Variants in RASGRP3 observed in about 807,000 individuals in gnomAD.
The protein encoded by RASGRP3 is ras guanyl-releasing protein 3.
Under a neutral mutation model 82.7 loss-of-function variants are expected in RASGRP3, and 54 were observed. The ratio of observed to expected loss-of-function variants is 0.65; its 90% CI spans 0.52 to 0.82. The LOEUF is 0.82. Ranked by LOEUF, RASGRP3 falls within the 40% of genes least tolerant of loss-of-function variation. The pLI is 0.00. For synonymous variants in RASGRP3, 309 were observed against 300.5 expected (o/e 1.03, Z -0.29); for missense variants, 861 against 828.9 (o/e 1.04, Z -0.48).
intron 2 of RASGRP3, among the ~76,000 whole-genome samples, chr2:33,463,637 C>T (rs985370595): frequency 1.2e-4 from 17 of 143,034 alleles, no homozygotes; most frequent in African/African-American, 4.2e-4. Context: ...CTCGCACTAT[C>T]GCCCGGGCTA....
intron 1 of RASGRP3, among the ~76,000 whole-genome samples, chr2:33,436,904 T>C (rs1466524060): frequency 6.6e-6 from 1 of 152,222 alleles, no homozygotes; most frequent in Non-Finnish European, 1.5e-5. Flanking sequence ...ATTTTTGATA[T>C]TTGTCTGCTT....
At chr2:33,558,576 A>C in intron 16 of RASGRP3, 96 bp from the exon 17 acceptor site, 2 of 1,205,790 alleles carry the variant, frequency 1.7e-6, no homozygotes, top group Non-Finnish European at 2.3e-6. Context: ...TTCCTCTAGA[A>C]TGTTGCATGC....
chr2:33,444,796 GT>G (rs927504511), intron 1 of RASGRP3, among the ~76,000 whole-genome samples: 2 of 152,166 alleles, frequency 1.3e-5, no homozygotes, highest in African/African-American at 4.8e-5. Context: ...GGCAATAGAA[GT>G]TTTTTTAATA....
intron 10 of RASGRP3, chr2:33,531,725 C>T (rs777519626): frequency 2.0e-5 from 3 of 152,218 alleles, no homozygotes; most frequent in African/African-American, 4.8e-5. Flanking sequence ...CAAAACATTT[C>T]CATCGCTGAG....
intron 2 of RASGRP3, among the ~76,000 whole-genome samples, chr2:33,512,810 G>A (rs952100499): frequency 1.3e-4 from 20 of 152,128 alleles, no homozygotes; most frequent in Non-Finnish European, 2.9e-4. Flanking sequence ...CAAAACCTTA[G>A]GTGTTAAGGT....
At chr2:33,499,256 C>G (rs1050209965) in intron 1 of RASGRP3, among the ~76,000 whole-genome samples, 13 of 152,116 alleles carry the variant, frequency 8.5e-5, no homozygotes, top group Non-Finnish European at 1.3e-4. Context: ...AATCCTCACT[C>G]TATACAGTGA....
chr2:33,522,033 C>T lies in RASGRP3; in HGVS notation c.447C>T (p.Asp149=). 1 of 1,613,894 alleles carries T rather than the reference C, an allele frequency of 6.2e-7. No homozygotes were observed. The highest frequency in any genetic ancestry group is 2.2e-5 in the East Asian group (1 of 44,880). ...AGGGAAAAGCCTGTCTGCTGTTTGA[C>T]CATCTGGAGCCCATTGAATTGGCTG... ...SKKGKACLLF[D]HLEPIELAEH... The change falls in exon 7 of 18, where the codon GAC becomes GAT. Residue 149 remains aspartate (D), a synonymous_variant. Coordinates refer to ENST00000403687, the MANE Select transcript of RASGRP3 (RefSeq NM_001139488.2).
chr2:33,503,354 G>T (rs1258941564), intron 1 of RASGRP3, among the ~76,000 whole-genome samples: 2 of 151,986 alleles, frequency 1.3e-5, no homozygotes, highest in African/African-American at 4.8e-5. Context: ...TTTTTTTGTA[G>T]GTATGGACTG....
chr2:33,514,790 G>A (rs1027227859), intron 2 of RASGRP3, among the ~76,000 whole-genome samples: 2 of 152,014 alleles, frequency 1.3e-5, no homozygotes, highest in African/African-American at 4.8e-5. Context: ...GTATATAACA[G>A]GGAACATTTC....
intron 13 of RASGRP3, among the ~76,000 whole-genome samples, chr2:33,548,880 G>T (rs1425552397): frequency 2.0e-5 from 3 of 151,898 alleles, no homozygotes; most frequent in Non-Finnish European, 4.4e-5. Flanking sequence ...GTAGAGATGG[G>T]GTCTCACCAT....
intron 13 of RASGRP3, among the ~76,000 whole-genome samples, chr2:33,547,068 A>T (rs971466561): frequency 6.8e-6 from 1 of 146,930 alleles, no homozygotes; most frequent in Non-Finnish European, 1.5e-5. Context: ...AAAAAAAAAA[A>T]AAAAAAGAGA....
chr2:33,516,787 A>C (rs1190589545), intron 4 of RASGRP3, 143 bp downstream of exon 4: 9 of 568,472 alleles, frequency 1.6e-5, no homozygotes, highest in Non-Finnish European at 2.4e-5. Flanking sequence ...ATAGATGTCT[A>C]GACAAAACAC....
chr2:33,556,122 A>G (rs1376731113), intron 15 of RASGRP3, among the ~76,000 whole-genome samples: 1 of 152,058 alleles, frequency 6.6e-6, no homozygotes, highest in African/African-American at 2.4e-5. Flanking sequence ...TATACTAAGC[A>G]TTTAGGAATG....
chr2:33,520,404 G>A (rs1558477471), intron 5 of RASGRP3, 149 bp from the exon 6 acceptor site: 1 of 1,046,556 alleles, frequency 9.6e-7, no homozygotes, highest in Non-Finnish European at 1.4e-6. Flanking sequence ...GATGGATGGG[G>A]TTTTGGAGAC....
At chr2:33,442,364 G>A (rs114550313) in intron 1 of RASGRP3, among the ~76,000 whole-genome samples, 130 of 152,082 alleles carry the variant, frequency 8.5e-4, no homozygotes, top group African/African-American at 2.8e-3. Flanking sequence ...ACTACGTCTC[G>A]AAAAAAAATT....
At chr2:33,473,750 T>C (rs1013502040), upstream of RASGRP3, among the ~76,000 whole-genome samples, 1 of 152,182 alleles carries the variant, frequency 6.6e-6, no homozygotes, top group Non-Finnish European at 1.5e-5. Flanking sequence ...GTTTGCTTCA[T>C]AGGGAGGATT....
chr2:33,457,605 T>G (rs563165149), intron 2 of RASGRP3, among the ~76,000 whole-genome samples: 5 of 152,314 alleles, frequency 3.3e-5, no homozygotes, highest in Admixed American at 3.3e-4. Flanking sequence ...TCACGTCATT[T>G]TTATAAGATA....
intron 1 of RASGRP3, among the ~76,000 whole-genome samples, chr2:33,442,355 C>G (rs1295869824): frequency 6.6e-6 from 1 of 152,160 alleles, no homozygotes; most frequent in African/African-American, 2.4e-5. Flanking sequence ...CAGAGCGAGA[C>G]TACGTCTCGA....
At chr2:33,501,274 A>G (rs890884945) in intron 1 of RASGRP3, among the ~76,000 whole-genome samples, 2 of 152,238 alleles carry the variant, frequency 1.3e-5, no homozygotes, top group African/African-American at 4.8e-5. Context: ...TTATCATTAA[A>G]TAATATTCCA....
Sources: allele counts gnomAD v4.1 joint callset (sites outside exome capture counted in the v4.1 genomes callset), GRCh38; gene constraint gnomAD v4.1.1; transcripts MANE v1.5; gene names NCBI Gene and HGNC (gene_info 2026-07-23, HGNC 2026-07-21).